Variants in PTPRD observed in about 807,000 individuals in gnomAD.
PTPRD encodes the protein protein tyrosine phosphatase receptor type D.
PTPRD carries 34 observed loss-of-function variants against 214.5 expected under a neutral mutation model. The observed-to-expected ratio is 0.16, with a 90% CI of 0.12 to 0.21. PTPRD has a LOEUF of 0.21. Ranked by LOEUF, PTPRD falls within the 10% of genes least tolerant of loss-of-function variation. PTPRD has a pLI of 1.00. For missense variants in PTPRD, 2,545 were observed against 2,398.7 expected, an observed-to-expected ratio of 1.06 and a Z score of -1.27; for synonymous variants, 1,128 against 845.7, an observed-to-expected ratio of 1.33 and a Z score of -5.79.
At chr9:9,999,395 T>C (rs528020986) in intron 4 of PTPRD, among the ~76,000 whole-genome samples, 4 of 152,332 alleles carry the variant, frequency 2.6e-5, no homozygotes, top group Non-Finnish European at 5.9e-5. Flanking sequence ...TCAGTCCCAC[T>C]GCTACCTCAC....
chr9:9,758,346 G>C (rs1246003824), intron 6 of PTPRD, among the ~76,000 whole-genome samples: 2 of 152,012 alleles, frequency 1.3e-5, no homozygotes, highest in Non-Finnish European at 2.9e-5. Context: ...ACAAACCCAT[G>C]TACCTTCTCA....
At chr9:8,437,376 T>G (rs2095394883) in intron 34 of PTPRD, 1 of 647,550 alleles carries the variant, frequency 1.5e-6, no homozygotes, top group African/African-American at 1.8e-5. Context: ...CTATACATTG[T>G]GGCTAGTACA....
chr9:9,154,093 T>C (rs1330450614), intron 10 of PTPRD, among the ~76,000 whole-genome samples: 1 of 152,162 alleles, frequency 6.6e-6, no homozygotes, highest in Non-Finnish European at 1.5e-5. Flanking sequence ...GCTTGCACTC[T>C]TACTGTCATC....
At chr9:9,341,268 C>G (rs544397868) in intron 9 of PTPRD, among the ~76,000 whole-genome samples, 1 of 152,154 alleles carries the variant, frequency 6.6e-6, no homozygotes, top group Admixed American at 6.5e-5. Flanking sequence ...TCTGTAGGCT[C>G]AGCCTGACTC....
intron 2 of PTPRD, among the ~76,000 whole-genome samples, chr9:10,469,704 C>T (rs2099017624): frequency 1.3e-5 from 2 of 151,352 alleles, no homozygotes; most frequent in African/African-American, 4.8e-5. Flanking sequence ...GAGTTGTGTG[C>T]ACTCCCACGT....
intron 11 of PTPRD, among the ~76,000 whole-genome samples, chr9:8,782,854 G>A (rs554769816): frequency 2.6e-5 from 4 of 152,010 alleles, no homozygotes; most frequent in South Asian, 4.2e-4. Flanking sequence ...TTGGCCCCCC[G>A]CAAAGGGCTG....
At chr9:8,484,009 T>G (rs1467358148) in intron 30 of PTPRD, 110 bp downstream of exon 30, 3 of 1,383,492 alleles carry the variant, frequency 2.2e-6, no homozygotes, top group African/African-American at 2.9e-5. Context: ...CAGAAGAATC[T>G]TTCACTACAT....
intron 14 of PTPRD, among the ~76,000 whole-genome samples, chr9:8,535,464 T>G (rs920583384): frequency 4.0e-5 from 6 of 151,888 alleles, no homozygotes; most frequent in Admixed American, 2.0e-4. Context: ...AAAATCCATA[T>G]TGTCAGATGA....
intron 2 of PTPRD, among the ~76,000 whole-genome samples, chr9:10,583,982 A>G (rs2073020398): frequency 6.6e-6 from 1 of 152,172 alleles, no homozygotes; most frequent in South Asian, 2.1e-4. Flanking sequence ...TACACCAGTA[A>G]CAATTCTGAG....
chr9:9,288,858 A>C (rs1358832775), intron 9 of PTPRD, among the ~76,000 whole-genome samples: 1 of 151,734 alleles, frequency 6.6e-6, no homozygotes, highest in African/African-American at 2.4e-5. Flanking sequence ...ATGAGATCTG[A>C]TGGTTTTATA....
At chr9:8,951,814 A>G (rs911019949) in intron 11 of PTPRD, among the ~76,000 whole-genome samples, 1 of 151,974 alleles carries the variant, frequency 6.6e-6, no homozygotes, top group Non-Finnish European at 1.5e-5. Context: ...TGTTTCTCTA[A>G]TTCCACATTT....
intron 12 of PTPRD, among the ~76,000 whole-genome samples, chr9:8,724,304 T>G (rs1248978853): frequency 6.6e-6 from 1 of 152,226 alleles, no homozygotes. Context: ...TTTAACAATC[T>G]GTTGGTGGTT....
At chr9:9,601,108 T>G (rs1486549484) in intron 7 of PTPRD, among the ~76,000 whole-genome samples, 4 of 75,732 alleles carry the variant, frequency 5.3e-5, no homozygotes, top group African/African-American at 2.2e-4. Flanking sequence ...AAGAGATTAA[T>G]ATATGTGTGT....
chr9:9,093,423 A>G (rs2099779076), intron 10 of PTPRD, among the ~76,000 whole-genome samples: 2 of 152,010 alleles, frequency 1.3e-5, no homozygotes, highest in African/African-American at 4.8e-5. Flanking sequence ...ATGATAAACC[A>G]TATTCCAGGC....
intron 5 of PTPRD, among the ~76,000 whole-genome samples, chr9:9,801,591 T>A (rs1312641439): frequency 1.3e-5 from 2 of 152,154 alleles, no homozygotes; most frequent in African/African-American, 4.8e-5. Flanking sequence ...TGAACAAAAC[T>A]TTTGTTGGAC....
At chr9:8,728,909 G>A (rs1340489820) in intron 12 of PTPRD, among the ~76,000 whole-genome samples, 1 of 152,152 alleles carries the variant, frequency 6.6e-6, no homozygotes, top group Non-Finnish European at 1.5e-5. Context: ...GAACCCCAGA[G>A]GTGGAGGTTG....
At chr9:8,666,314 A>G (rs985782166) in intron 12 of PTPRD, among the ~76,000 whole-genome samples, 2 of 152,220 alleles carry the variant, frequency 1.3e-5, no homozygotes, top group Non-Finnish European at 2.9e-5. Context: ...CATTCAATGC[A>G]GGATAAAATG....
chr9:9,108,113 G>A (rs1040616062), intron 10 of PTPRD, among the ~76,000 whole-genome samples: 7 of 151,944 alleles, frequency 4.6e-5, no homozygotes, highest in East Asian at 1.9e-4. Context: ...CTCATATCAC[G>A]GAATACTATT....
rs1242275018 is a variant in PTPRD at position 10,049,442 on chromosome 9, A to AAGAAAGAAAAG, written c.-544-15653_-544-15652insCTTTTCTTTCT. ...AAGAAAGAAAGAAAGAAAGAAAAGA[A>AAGAAAGAAAAG]AAAAAAAAACCCTTCTATATGTGTG... is the stretch of plus-strand genomic sequence containing the variant. On this transcript the variant is annotated intron_variant, in intron 3 of 45. Transcript: ENST00000381196. Among the ~76,000 whole-genome samples the AAGAAAGAAAAG allele has an allele frequency of 3.4e-3, 282 of 82,244 alleles. 1 individual carries two copies. In the East Asian group the frequency reaches 0.051, roughly 15 times the overall value. 54.0% of individuals were successfully genotyped at this position (82,244 alleles called of 152,430 possible).
Sources: gnomAD v4.1 joint callset for allele counts (sites outside exome capture counted in the v4.1 genomes callset) on GRCh38, gnomAD v4.1.1 for gene constraint, MANE v1.5 for transcripts, NCBI Gene and HGNC (gene_info 2026-07-23, HGNC 2026-07-21) for gene names.